Variants in WASHC4 observed in about 807,000 individuals in gnomAD.
WASHC4 encodes the protein WASH complex subunit 7.
Under a neutral mutation model 166.6 loss-of-function variants are expected in WASHC4, and 86 were observed. The observed-to-expected ratio is 0.52, with a 90% CI of 0.43 to 0.62. The LOEUF (loss-of-function observed/expected upper bound fraction) is 0.62, where lower values mean the gene tolerates loss of function less well. Among genes scored for constraint, WASHC4 ranks in the 20% least tolerant of loss-of-function variants. The pLI is 0.00. For missense variants in WASHC4, 1,262 were observed against 1,382.4 expected (o/e 0.91, Z 1.38); for synonymous variants, 446 against 451.6 (o/e 0.99, Z 0.16).
rs1056418994 is a variant in WASHC4 at position 105,147,119 on chromosome 12, A to G, written c.2487A>G (p.Thr829=). ...NIRHIANSIR[T]HGTGIMNTTV... is the part of the protein sequence containing the mutation. Reference sequence around the variant, plus strand: ...GGCATATTGCTAATTCAATTCGAACACATGGCACGGGAATTATGAATACAA... The same window carrying G: ...GGCATATTGCTAATTCAATTCGAACGCATGGCACGGGAATTATGAATACAA... Residue 829 remains threonine (T), a synonymous_variant, in exon 24 of 33, where the codon ACA becomes ACG. Coordinates refer to ENST00000332180, the MANE Select transcript of WASHC4 (RefSeq NM_015275.3). 9 of 1,607,134 alleles carry G rather than the reference A, an allele frequency of 5.6e-6. No individual in the cohort carries two copies. In the African/African-American group the frequency reaches 1.2e-4, roughly 21 times the overall value.
chr12:105,152,039 C>G (rs983457841), intron 25 of WASHC4, among the ~76,000 whole-genome samples: 1 of 152,024 alleles, frequency 6.6e-6, no homozygotes, highest in Non-Finnish European at 1.5e-5. Context: ...CATCTGTGAA[C>G]AGGTGTTTCT....
At position 105,156,762 on chromosome 12, in the gene WASHC4, G is replaced by A; in HGVS notation, c.2795G>A (p.Gly932Asp). The change falls in exon 27 of 33, where the codon GGT (glycine) becomes GAT (aspartate). Residue 932 changes from glycine to aspartate, a missense_variant. Coordinates refer to ENST00000332180, the MANE Select transcript of WASHC4 (RefSeq NM_015275.3). ...GGCTATGTACGAATGATAAGATCTG[G>A]TGGTCTTCATTGTAGCAGCAATGCC... ...AMGYVRMIRS[G>D]GLHCSSNAIR... The A allele has an allele frequency of 6.2e-7, 1 of 1,612,700 alleles. No individual in the cohort carries two copies. Among genetic ancestry groups the A allele is most frequent in the Non-Finnish European group, 8.5e-7 (1 of 1,179,238 alleles).
At chr12:105,134,984 C>T (rs895300072) in intron 14 of WASHC4, among the ~76,000 whole-genome samples, 3 of 151,610 alleles carry the variant, frequency 2.0e-5, no homozygotes, top group South Asian at 2.1e-4. Flanking sequence ...GTTCTTTTAG[C>T]GGTCACTCTA....
chr12:105,146,968 T>A, intron 23 of WASHC4, 74 bp from the exon 24 acceptor site: 1 of 825,854 alleles, frequency 1.2e-6, no homozygotes, highest in East Asian at 2.4e-5. Context: ...TTCTAAAATT[T>A]TCTTTGGATA....
chr12:105,114,954 C>T (rs1266864472), intron 4 of WASHC4, among the ~76,000 whole-genome samples: 5 of 151,686 alleles, frequency 3.3e-5, no homozygotes, highest in Non-Finnish European at 7.4e-5. Context: ...TGAGGGTGGT[C>T]AGATAAGATG....
At chr12:105,141,742 G>A (rs1882869289) in intron 18 of WASHC4, among the ~76,000 whole-genome samples, 1 of 152,096 alleles carries the variant, frequency 6.6e-6, no homozygotes, top group African/African-American at 2.4e-5. Context: ...ATTTCTTGAA[G>A]GGAAATTTGA....
intron 31 of WASHC4, 63 bp downstream of exon 31, chr12:105,164,370 A>G (rs2135847108): frequency 7.1e-7 from 1 of 1,406,186 alleles, no homozygotes; most frequent in East Asian, 2.3e-5. Context: ...TGACTTCTTA[A>G]TGTCTGAAAA....
Position 105,111,160 on chromosome 12 carries a change from A to C in WASHC4, c.97A>C (p.Lys33Gln), listed in dbSNP as rs1879647796. ...HAEVQLKNYGKFLEEYTSQLR... is the reference protein window; with the variant it reads ...HAEVQLKNYGQFLEEYTSQLR... ...CGAAGTCCAACTTAAGAATTATGGG[A>C]AATTTCTTGAGGAGTATACCTCTCA... Residue 33 changes from lysine (K) to glutamine (Q), a missense_variant, in exon 2 of 33, where the codon AAA becomes CAA. Transcript: ENST00000332180. The C allele has an allele frequency of 1.9e-6, 3 of 1,607,646 alleles. No homozygotes were observed. Among genetic ancestry groups the C allele is most frequent in the Non-Finnish European group, 8.5e-7 (1 of 1,174,718 alleles).
chr12:105,109,649 C>CT (rs36080234), intron 1 of WASHC4, among the ~76,000 whole-genome samples: 1,988 of 97,564 alleles, frequency 0.02, 94 homozygotes, highest in African/African-American at 0.047. Flanking sequence ...CTAGCATTGT[C>CT]TTTTTTTTTT....
chr12:105,117,219 G>A (rs556215989), intron 6 of WASHC4, among the ~76,000 whole-genome samples: 1 of 152,226 alleles, frequency 6.6e-6, no homozygotes, highest in African/African-American at 2.4e-5. Flanking sequence ...TGTTTTGTCT[G>A]ACAGTATAAT....
chr12:105,147,443 A>G (rs1486576592), intron 24 of WASHC4: 2 of 409,468 alleles, frequency 4.9e-6, no homozygotes, highest in South Asian at 2.8e-5. Context: ...ACACATATAT[A>G]TATGTTTATC....
chr12:105,120,494 A>G, intron 7 of WASHC4, 61 bp from the exon 8 acceptor site: 1 of 966,766 alleles, frequency 1.0e-6, no homozygotes, highest in Non-Finnish European at 1.7e-6. Flanking sequence ...ATGTATTTGA[A>G]ATAAGAATAA....
chr12:105,114,943 G>C (rs1017282832), intron 4 of WASHC4, among the ~76,000 whole-genome samples: 1 of 152,100 alleles, frequency 6.6e-6, no homozygotes, highest in East Asian at 1.9e-4. Flanking sequence ...ATGTGGGACA[G>C]TGAGGGTGGT....
At chr12:105,162,896 G>T in intron 30 of WASHC4, 51 bp downstream of exon 30, 1 of 910,024 alleles carries the variant, frequency 1.1e-6, no homozygotes, top group Non-Finnish European at 1.8e-6. Context: ...ACCTTGTAAT[G>T]GATTCTTAGA....
At chr12:105,126,845 T>G (rs1283789577) in intron 12 of WASHC4, among the ~76,000 whole-genome samples, 2 of 152,022 alleles carry the variant, frequency 1.3e-5, no homozygotes, top group Non-Finnish European at 2.9e-5. Flanking sequence ...AAGATTCAAG[T>G]TTCTATTGTT....
intron 18 of WASHC4, 149 bp downstream of exon 18, chr12:105,141,395 T>C (rs1177513043): frequency 4.1e-6 from 3 of 735,166 alleles, no homozygotes; most frequent in Non-Finnish European, 7.4e-6. Context: ...AAAATGAGAT[T>C]GTGACTAGGG....
intron 8 of WASHC4, 150 bp downstream of exon 8, chr12:105,120,747 C>T: frequency 1.5e-6 from 1 of 677,354 alleles, no homozygotes; most frequent in South Asian, 1.7e-5. Flanking sequence ...CATTTGTTCT[C>T]TTTCATCTGT....
At chr12:105,147,184 C>T (rs1041897207) in intron 24 of WASHC4, 38 bp downstream of exon 24, 3 of 1,137,656 alleles carry the variant, frequency 2.6e-6, no homozygotes, top group Non-Finnish European at 4.0e-6. Flanking sequence ...GGGTAATAGA[C>T]CCGTTTAATA....
chr12:105,115,526 G>C, intron 5 of WASHC4, 135 bp from the exon 6 acceptor site: 1 of 685,376 alleles, frequency 1.5e-6, no homozygotes. Flanking sequence ...TCTCTTTGGT[G>C]TAAAAATTCT....
Sources: gnomAD v4.1 joint callset for allele counts (sites outside exome capture counted in the v4.1 genomes callset) on GRCh38, gnomAD v4.1.1 for gene constraint, MANE v1.5 for transcripts, NCBI Gene and HGNC (gene_info 2026-07-23, HGNC 2026-07-21) for gene names.